Variants in DLG2 observed in about 807,000 individuals in gnomAD.
DLG2 encodes disks large homolog 2.
In DLG2, 45 loss-of-function variants were observed where a neutral mutation model predicts 132.5. The observed-to-expected ratio is 0.34, with a 90% confidence interval of 0.27 to 0.44. The LOEUF (loss-of-function observed/expected upper bound fraction) is 0.44, where lower values mean the gene tolerates loss of function less well. Ranked by LOEUF, DLG2 falls within the 20% of genes least tolerant of loss-of-function variation. The pLI, the probability that DLG2 is intolerant of heterozygous loss-of-function variation, is 1.00. For synonymous variants in DLG2, 424 were observed against 419.6 expected, an observed-to-expected ratio of 1.01 and a Z score of -0.13; for missense variants, 1,045 against 1,196.9, an observed-to-expected ratio of 0.87 and a Z score of 1.87.
rs1329100882 is a variant in DLG2, at chr11:84,655,724, G to GT, written c.358-120994dup. Among the ~76,000 whole-genome samples, 284 of 134,564 alleles carry GT rather than the reference G, an allele frequency of 2.1e-3. 2 individuals are homozygous for GT. Among genetic ancestry groups the GT allele is most frequent in the African/African-American group, 7.3e-3 (267 of 36,422 alleles). 88.3% of individuals were successfully genotyped at this position (134,564 alleles called of 152,430 possible). A position where few individuals can be genotyped will look rare whatever the true frequency, so the allele number is the denominator to read the frequency against. On this transcript the variant is annotated intron_variant, in intron 6 of 27. Coordinates refer to ENST00000376104, the MANE Select transcript of DLG2 (RefSeq NM_001142699.3). ...TAAAATGATGACCAAACTGTACTTT[G>GT]TTTTTTTTTGTTTGTTTTTTTTTTT...
chr11:84,554,817 C>G (rs989347869), intron 6 of DLG2, among the ~76,000 whole-genome samples: 2 of 152,074 alleles, frequency 1.3e-5, no homozygotes, highest in African/African-American at 4.8e-5. Context: ...CAAGAAGGAA[C>G]CATATTCATT....
chr11:84,247,335 A>C (rs992893774), intron 8 of DLG2, among the ~76,000 whole-genome samples: 2 of 152,208 alleles, frequency 1.3e-5, no homozygotes, highest in Non-Finnish European at 2.9e-5. Flanking sequence ...AACTGGATTC[A>C]CAAGCAGGCT....
intron 16 of DLG2, among the ~76,000 whole-genome samples, chr11:83,846,265 T>C (rs1201516980): frequency 6.6e-6 from 1 of 152,158 alleles, no homozygotes; most frequent in Non-Finnish European, 1.5e-5. Context: ...GTTTGAATAA[T>C]GTGCAGGATT....
intron 6 of DLG2, among the ~76,000 whole-genome samples, chr11:85,055,565 T>A (rs920178852): frequency 5.9e-5 from 9 of 152,138 alleles, no homozygotes; most frequent in Non-Finnish European, 4.4e-5. Flanking sequence ...GAAACAAAAA[T>A]TAGGGTTCAG....
At chr11:85,382,285 C>G (rs1035095421) in intron 3 of DLG2, among the ~76,000 whole-genome samples, 6 of 152,032 alleles carry the variant, frequency 3.9e-5, no homozygotes, top group Non-Finnish European at 7.4e-5. Context: ...ATCTTTTCAA[C>G]AAATGTTTTG....
At chr11:84,216,367 T>C (rs1397293508) in intron 8 of DLG2, among the ~76,000 whole-genome samples, 2 of 152,160 alleles carry the variant, frequency 1.3e-5, no homozygotes, top group Non-Finnish European at 2.9e-5. Flanking sequence ...TCCCTTTGAC[T>C]GCATTATGTA....
At chr11:84,561,595 C>T (rs2099428893) in intron 6 of DLG2, among the ~76,000 whole-genome samples, 2 of 152,130 alleles carry the variant, frequency 1.3e-5, no homozygotes, top group African/African-American at 4.8e-5. Flanking sequence ...TTTCATACCT[C>T]CTGCACCCAG....
At chr11:85,239,769 A>C (rs1166165485) in intron 4 of DLG2, among the ~76,000 whole-genome samples, 2 of 151,916 alleles carry the variant, frequency 1.3e-5, no homozygotes, top group Non-Finnish European at 2.9e-5. Context: ...GTAATTTTCC[A>C]TTGCAAGAAC....
chr11:84,513,902 T>G (rs572885126), intron 7 of DLG2, among the ~76,000 whole-genome samples: 19 of 151,684 alleles, frequency 1.3e-4, no homozygotes, highest in Middle Eastern at 6.8e-3. Flanking sequence ...AGTGAAGAGA[T>G]AAACCACAAA....
chr11:83,825,152 C>CACACATATAT (rs36150016), intron 17 of DLG2, among the ~76,000 whole-genome samples: 3 of 80,312 alleles, frequency 3.7e-5, no homozygotes, highest in South Asian at 9.0e-4. Context: ...CACACACACA[C>CACACATATAT]ATATATATAT....
chr11:84,941,554 C>T (rs2049428262), intron 6 of DLG2, among the ~76,000 whole-genome samples: 1 of 152,062 alleles, frequency 6.6e-6, no homozygotes, highest in South Asian at 2.1e-4. Context: ...ATTGAAGCAT[C>T]CTTGTATCCC....
chr11:83,653,175 C>T (rs2071154435), intron 18 of DLG2, among the ~76,000 whole-genome samples: 1 of 152,086 alleles, frequency 6.6e-6, no homozygotes, highest in South Asian at 2.1e-4. Context: ...TATCATAGTC[C>T]CAATTATCAT....
intron 8 of DLG2, among the ~76,000 whole-genome samples, chr11:84,197,071 A>C (rs1256797256): frequency 6.6e-6 from 1 of 151,428 alleles, no homozygotes; most frequent in Non-Finnish European, 1.5e-5. Flanking sequence ...GAAAAGAAAA[A>C]AAAAACGAAA....
intron 6 of DLG2, among the ~76,000 whole-genome samples, chr11:84,916,121 G>A (rs548511369): frequency 6.6e-5 from 10 of 151,880 alleles, no homozygotes; most frequent in South Asian, 4.2e-4. Flanking sequence ...CGAGGCGGGC[G>A]GATCACGAGG....
intron 14 of DLG2, among the ~76,000 whole-genome samples, chr11:83,948,859 C>T (rs898315091): frequency 6.6e-6 from 1 of 152,138 alleles, no homozygotes; most frequent in African/African-American, 2.4e-5. Flanking sequence ...GGTTTATATA[C>T]TTAGAGTGTC....
chr11:84,840,954 G>T (rs1284525046), intron 6 of DLG2, among the ~76,000 whole-genome samples: 2 of 149,746 alleles, frequency 1.3e-5, no homozygotes, highest in Non-Finnish European at 3.0e-5. Context: ...AAACCTACGT[G>T]TTGTGCTCAT....
chr11:84,847,661 C>T (rs1169642981), intron 6 of DLG2, among the ~76,000 whole-genome samples: 1 of 152,084 alleles, frequency 6.6e-6, no homozygotes, highest in Non-Finnish European at 1.5e-5. Flanking sequence ...CAAGGTGCTG[C>T]CAATAAAGCA....
chr11:84,468,532 A>G (rs1164880798), intron 7 of DLG2, among the ~76,000 whole-genome samples: 1 of 151,550 alleles, frequency 6.6e-6, no homozygotes, highest in African/African-American at 2.4e-5. Context: ...ACATTCTTAT[A>G]TCTTTGCCTT....
At chr11:83,504,638 C>T (rs2094600072) in intron 21 of DLG2, among the ~76,000 whole-genome samples, 2 of 152,050 alleles carry the variant, frequency 1.3e-5, no homozygotes, top group South Asian at 4.1e-4. Flanking sequence ...ACTACCTAGG[C>T]CAGCAGACTA....
Sources: gnomAD v4.1 joint callset for allele counts (sites outside exome capture counted in the v4.1 genomes callset) on GRCh38, gnomAD v4.1.1 for gene constraint, MANE v1.5 for transcripts, NCBI Gene and HGNC (gene_info 2026-07-23, HGNC 2026-07-21) for gene names.